Variants in GRM8 observed in about 807,000 individuals in gnomAD.
The protein encoded by GRM8 is glutamate metabotropic receptor 8, also known as metabotropic glutamate receptor 8.
Under a neutral mutation model 87.2 loss-of-function variants are expected in GRM8, and 47 were observed. The observed-to-expected ratio is 0.54, with a 90% CI of 0.43 to 0.69. The LOEUF (loss-of-function observed/expected upper bound fraction) is 0.69, where lower values mean the gene tolerates loss of function less well. Among genes scored for constraint, GRM8 ranks in the 30% least tolerant of loss-of-function variants. The pLI, the probability that GRM8 is intolerant of heterozygous loss-of-function variation, is 0.00. For synonymous variants in GRM8, 396 were observed against 404.5 expected (o/e 0.98, Z 0.25); for missense variants, 1,019 against 1,139.2 (o/e 0.89, Z 1.52).
chr7:126,674,289 A>G (rs1806705668), intron 7 of GRM8, among the ~76,000 whole-genome samples: 1 of 152,216 alleles, frequency 6.6e-6, no homozygotes, highest in Admixed American at 6.5e-5. Context: ...TTCCCTAGTC[A>G]TAATCCTTAA....
intron 7 of GRM8, among the ~76,000 whole-genome samples, chr7:126,674,009 AG>A (rs1237725102): frequency 6.6e-6 from 1 of 152,234 alleles, no homozygotes; most frequent in Non-Finnish European, 1.5e-5. Context: ...TAACTGATTC[AG>A]TACAATATAA....
intron 6 of GRM8, among the ~76,000 whole-genome samples, chr7:126,887,133 G>A (rs1258700256): frequency 1.3e-5 from 2 of 152,132 alleles, no homozygotes; most frequent in African/African-American, 4.8e-5. Context: ...AACCAGCAGA[G>A]AGTGTTTCAA....
intron 9 of GRM8, among the ~76,000 whole-genome samples, chr7:126,522,349 T>C (rs1452797088): frequency 6.6e-6 from 1 of 152,148 alleles, no homozygotes; most frequent in Non-Finnish European, 1.5e-5. Context: ...CTTCAGACTC[T>C]CCACTGGCAG....
intron 6 of GRM8, among the ~76,000 whole-genome samples, chr7:126,798,473 A>T (rs1337341137): frequency 6.6e-6 from 1 of 152,114 alleles, no homozygotes; most frequent in Non-Finnish European, 1.5e-5. Context: ...ACATGTCCTT[A>T]AGGCCACACC....
intron 8 of GRM8, among the ~76,000 whole-genome samples, chr7:126,586,642 A>G (rs981344108): frequency 6.6e-6 from 1 of 152,248 alleles, no homozygotes; most frequent in Non-Finnish European, 1.5e-5. Context: ...AGAAAGCTCA[A>G]ACTGGATCCC....
At chr7:127,003,496 A>G (rs1479505204) in intron 3 of GRM8, among the ~76,000 whole-genome samples, 1 of 151,746 alleles carries the variant, frequency 6.6e-6, no homozygotes, top group Non-Finnish European at 1.5e-5. Context: ...AACCTCTTCC[A>G]CAACAGGAGA....
At chr7:127,145,401 T>C (rs910697177) in intron 2 of GRM8, among the ~76,000 whole-genome samples, 3 of 152,152 alleles carry the variant, frequency 2.0e-5, no homozygotes, top group African/African-American at 4.8e-5. Context: ...AACTTCTATA[T>C]GTCTTGTGAA....
intron 3 of GRM8, among the ~76,000 whole-genome samples, chr7:127,053,914 A>G (rs1819730197): frequency 6.6e-6 from 1 of 152,120 alleles, no homozygotes; most frequent in Non-Finnish European, 1.5e-5. Flanking sequence ...TTAAGTTCAT[A>G]CTATTTGATA....
intron 6 of GRM8, among the ~76,000 whole-genome samples, chr7:126,837,637 G>T (rs1035744754): frequency 1.3e-5 from 2 of 152,178 alleles, no homozygotes; most frequent in Non-Finnish European, 2.9e-5. Flanking sequence ...TAAGTGAAAG[G>T]AGCCAACAAG....
intron 9 of GRM8, among the ~76,000 whole-genome samples, chr7:126,460,457 A>G (rs1261986298): frequency 6.6e-6 from 1 of 151,594 alleles, no homozygotes; most frequent in Non-Finnish European, 1.5e-5. Flanking sequence ...AGTAATCACA[A>G]CCTCAGAAAC....
intron 3 of GRM8, among the ~76,000 whole-genome samples, chr7:127,102,940 G>A (rs906620172): frequency 6.6e-6 from 1 of 152,210 alleles, no homozygotes; most frequent in Admixed American, 6.5e-5. Context: ...TCGGCTCACT[G>A]CAACCTCCAC....
chr7:126,486,615 A>G (rs1807401932), intron 9 of GRM8, among the ~76,000 whole-genome samples: 1 of 152,116 alleles, frequency 6.6e-6, no homozygotes. Flanking sequence ...CCCCTTTAAA[A>G]TCTTACAAAA....
chr7:127,043,279 G>T (rs1818607229), intron 3 of GRM8, among the ~76,000 whole-genome samples: 1 of 152,160 alleles, frequency 6.6e-6, no homozygotes, highest in Admixed American at 6.5e-5. Context: ...ATACCCAAAG[G>T]ATTATAAATC....
At chr7:126,997,480 TAAAC>T (rs941686183) in intron 3 of GRM8, among the ~76,000 whole-genome samples, 1 of 120,184 alleles carries the variant, frequency 8.3e-6, no homozygotes, top group Non-Finnish European at 1.8e-5. Context: ...ACATAAAAGA[TAAAC>T]AAAACCAGAA....
intron 3 of GRM8, among the ~76,000 whole-genome samples, chr7:126,913,536 AG>A (rs1803536231): frequency 6.6e-6 from 1 of 152,230 alleles, no homozygotes; most frequent in Non-Finnish European, 1.5e-5. Context: ...ACATGCCTTC[AG>A]ATAATAGCAA....
chr7:126,701,907 T>C (rs1053771150), intron 7 of GRM8: 27 of 475,484 alleles, frequency 5.7e-5, no homozygotes, highest in African/African-American at 4.8e-4. Context: ...GACAGCCCCA[T>C]GTCATGCCTT....
At chr7:126,666,932 G>A (rs1427140555) in intron 7 of GRM8, among the ~76,000 whole-genome samples, 4 of 151,968 alleles carry the variant, frequency 2.6e-5, no homozygotes, top group Non-Finnish European at 5.9e-5. Flanking sequence ...CTCCATTGGG[G>A]ATATTACATA....
intron 3 of GRM8, among the ~76,000 whole-genome samples, chr7:127,062,281 T>A (rs1020062333): frequency 5.3e-5 from 8 of 151,838 alleles, no homozygotes; most frequent in African/African-American, 1.7e-4. Flanking sequence ...TCCCAGCAAA[T>A]CTGGGGAAAC....
At chr7:126,903,909 C>T (rs1489780931) in intron 5 of GRM8, 63 bp downstream of exon 5, 1 of 950,938 alleles carries the variant, frequency 1.1e-6, no homozygotes, top group Non-Finnish European at 1.6e-6. Context: ...TATGATACTC[C>T]AGTTTTGCCT....
Sources: allele counts gnomAD v4.1 joint callset (sites outside exome capture counted in the v4.1 genomes callset), GRCh38; gene constraint gnomAD v4.1.1; transcripts MANE v1.5; gene names NCBI Gene and HGNC (gene_info 2026-07-23, HGNC 2026-07-21).